PARP8: variants seen among roughly 807,000 people sequenced by gnomAD.
PARP8 encodes protein mono-ADP-ribosyltransferase PARP8.
PARP8 carries 51 observed loss-of-function variants against 124.1 expected under a neutral mutation model. The ratio of observed to expected loss-of-function variants is 0.41; its 90% confidence interval spans 0.33 to 0.52. The LOEUF is 0.52. Among genes scored for constraint, PARP8 ranks in the 20% least tolerant of loss-of-function variants. The pLI, the probability that PARP8 is intolerant of heterozygous loss-of-function variation, is 0.21. For synonymous variants in PARP8, 391 were observed against 361.5 expected (o/e 1.08, Z -0.93); for missense variants, 860 against 1,018.9 (o/e 0.84, Z 2.12).
intron 8 of PARP8, 51 bp from the exon 9 acceptor site, chr5:50,778,509 A>G (rs1231147236): frequency 2.1e-6 from 3 of 1,443,318 alleles, no homozygotes. Flanking sequence ...TTTTTTTTTC[A>G]TTTTGAACTC....
chr5:50,725,028 A>G (rs1484262141), intron 2 of PARP8, among the ~76,000 whole-genome samples: 1 of 151,088 alleles, frequency 6.6e-6, no homozygotes, highest in Non-Finnish European at 1.5e-5. Context: ...AGAACACATT[A>G]TTTTGTCCCT....
intron 3 of PARP8, among the ~76,000 whole-genome samples, chr5:50,753,013 A>G (rs1759428087): frequency 6.6e-6 from 1 of 152,100 alleles, no homozygotes; most frequent in Non-Finnish European, 1.5e-5. Context: ...CATATATAAT[A>G]GCATGTATAT....
chr5:50,673,848 G>C (rs1293520495), intron 2 of PARP8, among the ~76,000 whole-genome samples: 1 of 152,146 alleles, frequency 6.6e-6, no homozygotes, highest in Non-Finnish European at 1.5e-5. Context: ...TCTCTCTGCA[G>C]CATTTTTAAA....
At chr5:50,761,748 T>C (rs1450315920) in intron 5 of PARP8, 73 bp from the exon 6 acceptor site, 1 of 973,938 alleles carries the variant, frequency 1.0e-6, no homozygotes, top group Non-Finnish European at 1.6e-6. Flanking sequence ...ACTTGCCTAT[T>C]ATAGTCACTT....
At chr5:50,703,417 G>T (rs1056400442) in intron 2 of PARP8, among the ~76,000 whole-genome samples, 1 of 151,992 alleles carries the variant, frequency 6.6e-6, no homozygotes, top group Non-Finnish European at 1.5e-5. Context: ...GTATGGATAT[G>T]AGAGATGATA....
intron 2 of PARP8, among the ~76,000 whole-genome samples, chr5:50,712,843 T>G (rs1329574354): frequency 1.3e-5 from 2 of 151,898 alleles, no homozygotes; most frequent in Non-Finnish European, 2.9e-5. Context: ...GAACAAGGTT[T>G]TTTTTTTTTT....
At chr5:50,691,048 C>T (rs1488261941) in intron 2 of PARP8, among the ~76,000 whole-genome samples, 1 of 152,212 alleles carries the variant, frequency 6.6e-6, no homozygotes, top group African/African-American at 2.4e-5. Context: ...ATCATCGTTT[C>T]TTCCTCTATT....
At chr5:50,775,363 C>T (rs1283863201) in intron 7 of PARP8, among the ~76,000 whole-genome samples, 5 of 152,138 alleles carry the variant, frequency 3.3e-5, no homozygotes, top group African/African-American at 9.7e-5. Context: ...GAGACCAGCC[C>T]GGCCAACACG....
intron 18 of PARP8, among the ~76,000 whole-genome samples, chr5:50,826,390 A>G (rs1486597993): frequency 6.6e-6 from 1 of 152,158 alleles, no homozygotes; most frequent in Non-Finnish European, 1.5e-5. Context: ...AGAGGAATAA[A>G]AGAAGCAGAT....
intron 14 of PARP8, among the ~76,000 whole-genome samples, chr5:50,800,019 C>T (rs1371740139): frequency 4.6e-5 from 7 of 152,104 alleles, no homozygotes; most frequent in Non-Finnish European, 7.4e-5. Context: ...TTACAGCAGC[C>T]GGAATAGACC....
chr5:50,723,541 G>A lies in PARP8; in HGVS notation c.147-26610G>A, dbSNP rs1222259321. Among the ~76,000 whole-genome samples the A allele has an allele frequency of 5.3e-5, 8 of 151,868 alleles. No homozygotes were observed. The East Asian group carries it at 1.5e-3, about 29-fold the overall frequency. On this transcript the variant is annotated intron_variant, in intron 2 of 25. Transcript: ENST00000281631. ...TTTGTATTTAATTTCATTTAGGTAGGTTTGGTTCTGGATGGATACTAGATT... is the reference window on the plus strand; with the variant it reads ...TTTGTATTTAATTTCATTTAGGTAGATTTGGTTCTGGATGGATACTAGATT...
intron 14 of PARP8, among the ~76,000 whole-genome samples, chr5:50,814,807 G>A (rs540909069): frequency 2.4e-4 from 36 of 152,228 alleles, no homozygotes; most frequent in Admixed American, 1.8e-3. Flanking sequence ...ATAAATCAGA[G>A]GAATGACACT....
chr5:50,830,577 A>T (rs1277360943), intron 22 of PARP8, among the ~76,000 whole-genome samples: 1 of 152,186 alleles, frequency 6.6e-6, no homozygotes, highest in East Asian at 1.9e-4. Flanking sequence ...GCACTTAAAA[A>T]ATTTTTGGAA....
At chr5:50,672,968 T>C (rs1327450373) in intron 2 of PARP8, among the ~76,000 whole-genome samples, 1 of 152,198 alleles carries the variant, frequency 6.6e-6, no homozygotes, top group East Asian at 1.9e-4. Context: ...TACAGTTACT[T>C]TGAAGCCATT....
intron 2 of PARP8, among the ~76,000 whole-genome samples, chr5:50,709,955 T>TATATATACACAC (rs149858890): frequency 5.1e-4 from 53 of 103,320 alleles, no homozygotes; most frequent in Non-Finnish European, 6.4e-4. Flanking sequence ...TATATATATA[T>TATATATACACAC]ACACATACAT....
At chr5:50,702,401 A>G (rs111463368) in intron 2 of PARP8, among the ~76,000 whole-genome samples, 97 of 152,304 alleles carry the variant, frequency 6.4e-4, no homozygotes, top group African/African-American at 2.3e-3. Flanking sequence ...TCTAGAAACT[A>G]TCACCTTTAA....
At chr5:50,741,759 G>T in intron 2 of PARP8, 1 of 410,044 alleles carries the variant, frequency 2.4e-6, no homozygotes, top group Admixed American at 3.0e-5. Flanking sequence ...CTTAGTAAAG[G>T]GTAATACGTA....
intron 2 of PARP8, among the ~76,000 whole-genome samples, chr5:50,728,965 T>G (rs926271507): frequency 2.4e-4 from 36 of 152,168 alleles, no homozygotes; most frequent in Non-Finnish European, 4.4e-5. Flanking sequence ...TATTATCTAA[T>G]TTTTATTGGA....
In PARP8 at chr5:50,843,329, C is replaced by G. The variant is rs1748362841; in HGVS notation, c.*1261C>G. The G allele has an allele frequency of 1.3e-5, 2 of 151,548 alleles. No homozygotes were observed. The highest frequency in any genetic ancestry group is 3.0e-5 in the Non-Finnish European group (2 of 67,766). The allele number at this position is 151,548 out of a possible 1,614,324, so 9.4% of individuals were successfully genotyped here. A position where few individuals can be genotyped will look rare whatever the true frequency, so the allele number is the denominator to read the frequency against. ...CAGTTTAATTAGTGAGTCTGCCACT[C>G]TATTCAAACCCTGAATCAAGGCTCT... is the stretch of plus-strand genomic sequence containing the variant. On this transcript the variant is annotated 3_prime_UTR_variant, in exon 26 of 26. Coordinates refer to ENST00000281631, the MANE Select transcript of PARP8 (RefSeq NM_024615.4).
Sources: gnomAD v4.1 joint callset for allele counts (sites outside exome capture counted in the v4.1 genomes callset) on GRCh38, gnomAD v4.1.1 for gene constraint, MANE v1.5 for transcripts, NCBI Gene and HGNC (gene_info 2026-07-23, HGNC 2026-07-21) for gene names.